EAF2: variants seen among roughly 807,000 people sequenced by gnomAD.
The protein encoded by EAF2 is ELL-associated factor 2.
A neutral mutation model predicts 29.4 loss-of-function variants in EAF2; 29 were observed. The ratio of observed to expected loss-of-function variants is 0.99; its 90% CI spans 0.73 to 1.35. EAF2 has a LOEUF of 1.35. Ranked by LOEUF, EAF2 falls within the 40% of genes most tolerant of loss-of-function variation. The probability of loss-of-function intolerance (pLI) is 0.00; values close to 1 mark genes in which losing one functional copy is unlikely to be tolerated. For synonymous variants in EAF2, 103 were observed against 102.5 expected (o/e 1.00, Z -0.03); for missense variants, 292 against 312.0 (o/e 0.94, Z 0.48).
rs139443076 is a variant in EAF2 at position 121,867,830 on chromosome 3, A to G, written c.485-4707A>G. Among the ~76,000 whole-genome samples the G allele has an allele frequency of 2.0e-5, 3 of 152,348 alleles. No individual in the cohort carries two copies. The East Asian group carries it at 5.8e-4, about 29-fold the overall frequency. The stretch of plus-strand genomic sequence containing the variant: ...ATACCTTCTGATTCCCAAAATAATG[A>G]TATTTCAAAGTGGATATGAGGTTAC... On this transcript the variant is annotated intron_variant, in intron 4 of 5. Coordinates refer to ENST00000273668, the MANE Select transcript of EAF2 (RefSeq NM_018456.6).
rs371132998 is a variant in EAF2, at chr3:121,858,087, G to A, written c.484+931G>A. On this transcript the variant is annotated intron_variant, in intron 4 of 5. Coordinates refer to ENST00000273668, the MANE Select transcript of EAF2 (RefSeq NM_018456.6). ...TCTATCATTGTTGGACATTTGGGTT[G>A]GTTCCAAGTCTTTGCTATTGTGAAT... Among the ~76,000 whole-genome samples the A allele has an allele frequency of 1.1e-4, 16 of 152,208 alleles. No homozygotes were observed. The East Asian group carries it at 1.7e-3, about 17-fold the overall frequency.
intron 1 of EAF2, chr3:121,836,165 T>A (rs952757383): frequency 1.3e-5 from 2 of 152,196 alleles, no homozygotes; most frequent in Admixed American, 6.5e-5. Context: ...AAGACATTCG[T>A]TTTTTGCATA....
At chr3:121,835,526 C>T in intron 1 of EAF2, 135 bp downstream of exon 1, 2 of 762,346 alleles carry the variant, frequency 2.6e-6, no homozygotes, top group Non-Finnish European at 4.4e-6. Context: ...GGGGAGGCAG[C>T]GCGATCCTCT....
chr3:121,884,053 A>G (rs1709235547), intron 5 of EAF2, among the ~76,000 whole-genome samples: 1 of 152,148 alleles, frequency 6.6e-6, no homozygotes, highest in South Asian at 2.1e-4. Context: ...AAATTATGAA[A>G]TGCATCAGGC....
chr3:121,844,689 A>G (rs1287534112), intron 2 of EAF2, 142 bp downstream of exon 2: 3 of 465,200 alleles, frequency 6.4e-6, no homozygotes, highest in Non-Finnish European at 1.1e-5. Flanking sequence ...ATTTTAAACT[A>G]CTTTAGGCAA....
chr3:121,885,203 T>G (rs1222994292), intron 5 of EAF2, among the ~76,000 whole-genome samples: 1 of 152,210 alleles, frequency 6.6e-6, no homozygotes, highest in Non-Finnish European at 1.5e-5. Context: ...CTTGGGGTCA[T>G]TCTTCACTTC....
At chr3:121,838,226 C>A (rs528415273) in intron 1 of EAF2, among the ~76,000 whole-genome samples, 1 of 152,018 alleles carries the variant, frequency 6.6e-6, no homozygotes, top group Non-Finnish European at 1.5e-5. Context: ...CATTGTAAAC[C>A]TGAAAAAATT....
chr3:121,863,877 CT>C (rs1228778027), intron 4 of EAF2, among the ~76,000 whole-genome samples: 1 of 152,086 alleles, frequency 6.6e-6, no homozygotes, highest in Admixed American at 6.6e-5. Flanking sequence ...AAAAATGACT[CT>C]TTAGATATAT....
In EAF2 at chr3:121,872,740, A is replaced by T. The variant is rs758058371; in HGVS notation, c.688A>T (p.Ser230Cys). 7 of 1,612,350 alleles carry T rather than the reference A, an allele frequency of 4.3e-6. No homozygotes were observed. The highest frequency in any genetic ancestry group is 5.9e-6 in the Non-Finnish European group (7 of 1,178,972). The change falls in exon 5 of 6, where the codon AGT (serine) becomes TGT (cysteine). Residue 230 changes from serine (S) to cysteine (C), a missense_variant. Ser to Cys is a moderately radical substitution (Grantham distance 112). Coordinates refer to ENST00000273668, the MANE Select transcript of EAF2 (RefSeq NM_018456.6). ...TQYRIPDIDA[S>C]HNRFRDNSGL... ...GTACAGGATTCCTGATATAGATGCC[A>T]GTCATAATAGATTTCGAGACAACAG...
At position 121,844,503 on chromosome 3, in the gene EAF2, G is replaced by A. The variant is rs752051077; in HGVS notation, c.157G>A (p.Val53Ile). Reference sequence around the variant, plus strand: ...CACTTCTTCTGAAGGATACCTTGAGGTTGGTGAAGGTGAACAGGTGACCAT... The same window carrying A: ...CACTTCTTCTGAAGGATACCTTGAGATTGGTGAAGGTGAACAGGTGACCAT... ...IDTSSEGYLE[V>I]GEGEQVTITL... Residue 53 changes from valine (V) to isoleucine (I), a missense_variant, in exon 2 of 6, where the codon GTT (valine) becomes ATT (isoleucine). Physicochemically the swap from Val to Ile is conservative, Grantham distance 29. Coordinates refer to ENST00000273668, the MANE Select transcript of EAF2 (RefSeq NM_018456.6). 1.3e-5 allele frequency: 21 copies of A among 1,611,124 alleles called. No individual in the cohort carries two copies. Among genetic ancestry groups the A allele is most frequent in the Middle Eastern group, 1.6e-4 (1 of 6,068 alleles).
intron 5 of EAF2, among the ~76,000 whole-genome samples, chr3:121,877,325 A>G (rs1487251060): frequency 6.6e-6 from 1 of 151,954 alleles, no homozygotes; most frequent in Non-Finnish European, 1.5e-5. Context: ...AAATTCAGTA[A>G]GGGTATGAAA....
chr3:121,841,885 A>C (rs1366858485), intron 1 of EAF2, among the ~76,000 whole-genome samples: 4 of 152,114 alleles, frequency 2.6e-5, no homozygotes, highest in Non-Finnish European at 5.9e-5. Flanking sequence ...GCACGCCCGT[A>C]ATCTCAGCTA....
intron 4 of EAF2, among the ~76,000 whole-genome samples, chr3:121,858,417 C>T (rs1322787704): frequency 3.3e-5 from 5 of 152,164 alleles, no homozygotes; most frequent in Non-Finnish European, 7.4e-5. Context: ...CTCTGATGAC[C>T]AGTGATGATG....
chr3:121,862,680 G>A (rs950536083), intron 4 of EAF2, among the ~76,000 whole-genome samples: 3 of 152,124 alleles, frequency 2.0e-5, no homozygotes, highest in South Asian at 2.1e-4. Flanking sequence ...CTCTCTATTC[G>A]TCAAAGTCGT....
At chr3:121,842,761 T>G (rs1708458772) in intron 1 of EAF2, among the ~76,000 whole-genome samples, 1 of 152,188 alleles carries the variant, frequency 6.6e-6, no homozygotes, top group South Asian at 2.1e-4. Context: ...AGCACTGTCC[T>G]TTCAACAATT....
intron 3 of EAF2, among the ~76,000 whole-genome samples, chr3:121,855,581 G>A (rs774816276): frequency 6.6e-6 from 1 of 152,120 alleles, no homozygotes; most frequent in Non-Finnish European, 1.5e-5. Context: ...TACCATCCAT[G>A]CCCTGCTGTG....
intron 3 of EAF2, among the ~76,000 whole-genome samples, chr3:121,856,475 G>A (rs2107518826): frequency 6.6e-6 from 1 of 152,032 alleles, no homozygotes; most frequent in South Asian, 2.1e-4. Context: ...CACTGCACCA[G>A]CCTGGATTTT....
intron 1 of EAF2, among the ~76,000 whole-genome samples, chr3:121,838,656 C>A (rs1257079803): frequency 6.6e-6 from 1 of 152,166 alleles, no homozygotes; most frequent in Non-Finnish European, 1.5e-5. Context: ...TTGTCTCTTG[C>A]AGATAATCTC....
At chr3:121,878,545 T>C (rs373644459) in intron 5 of EAF2, among the ~76,000 whole-genome samples, 1 of 152,288 alleles carries the variant, frequency 6.6e-6, no homozygotes, top group East Asian at 1.9e-4. Flanking sequence ...AACCAACCTC[T>C]GTTTATCCTT....
Sources: gnomAD v4.1 joint callset for allele counts (sites outside exome capture counted in the v4.1 genomes callset) on GRCh38, gnomAD v4.1.1 for gene constraint, MANE v1.5 for transcripts, NCBI Gene and HGNC (gene_info 2026-07-23, HGNC 2026-07-21) for gene names.